The following SHANK2 variants were observed in gnomAD, a reference collection of about 807,000 sequenced individuals.
SHANK2 encodes SH3 and multiple ankyrin repeat domains 2.
In SHANK2, 43 loss-of-function variants were observed where a neutral mutation model predicts 133.7. The observed-to-expected ratio is 0.32, with a 90% CI of 0.25 to 0.41. The LOEUF is 0.41. Ranked by LOEUF, SHANK2 falls within the 10% of genes least tolerant of loss-of-function variation. The pLI is 1.00. For synonymous variants in SHANK2, 1,017 were observed against 952.8 expected, an observed-to-expected ratio of 1.07 and a Z score of -1.24; for missense variants, 1,994 against 2,235.8, an observed-to-expected ratio of 0.89 and a Z score of 2.18.
At chr11:71,171,832 G>C (rs1392398104) in intron 2 of SHANK2, among the ~76,000 whole-genome samples, 2 of 152,158 alleles carry the variant, frequency 1.3e-5, no homozygotes, top group Admixed American at 1.3e-4. Context: ...AATCCCTGTG[G>C]CCTCGTTTAA....
At chr11:70,654,326 C>T (rs1384302746) in intron 17 of SHANK2, 7 of 152,206 alleles carry the variant, frequency 4.6e-5, no homozygotes, top group African/African-American at 1.7e-4. Flanking sequence ...GGGGGCTGAA[C>T]ATTTGTCTCC....
intron 17 of SHANK2, among the ~76,000 whole-genome samples, chr11:70,637,178 G>A (rs1317760384): frequency 2.0e-5 from 3 of 152,134 alleles, no homozygotes; most frequent in Non-Finnish European, 2.9e-5. Context: ...TCCATTCACA[G>A]CACAGCCACA....
At chr11:70,813,350 C>T (rs528063929) in intron 12 of SHANK2, among the ~76,000 whole-genome samples, 1 of 152,080 alleles carries the variant, frequency 6.6e-6, no homozygotes, top group African/African-American at 2.4e-5. Context: ...GGATGCCACA[C>T]GGCGCAGTGG....
chr11:70,862,691 A>G, intron 11 of SHANK2: 1 of 200,686 alleles, frequency 5.0e-6, no homozygotes, highest in Non-Finnish European at 9.8e-6. Context: ...AGGACTGTGG[A>G]TGATACTCAG....
rs1457130764 is a variant in SHANK2, at chr11:70,500,075, C to G, written c.2308+495G>C. On this transcript the variant is annotated intron_variant, in intron 21 of 25. Transcript: ENST00000601538. The surrounding 1 kb of genome is among the most constrained non-coding windows in gnomAD (Gnocchi z 4.5). ...CAGTGACTGCCAGTCTCCCACTCCA[C>G]ACCAGCCCTGGGTGGGGAGGTGTAG... Among the ~76,000 whole-genome samples the G allele has an allele frequency of 6.6e-6, 1 of 152,192 alleles. No individual in the cohort carries two copies. The highest frequency in any genetic ancestry group is 2.4e-5 in the African/African-American group (1 of 41,470).
intron 10 of SHANK2, chr11:70,944,031 C>T: frequency 2.2e-6 from 1 of 453,512 alleles, no homozygotes; most frequent in Non-Finnish European, 4.4e-6. Context: ...AATCATGGTT[C>T]CTGTGTTTAT....
chr11:70,685,581 C>T (rs529086977), intron 15 of SHANK2, among the ~76,000 whole-genome samples: 1 of 152,306 alleles, frequency 6.6e-6, no homozygotes, highest in East Asian at 1.9e-4. Flanking sequence ...GAAGCAGATT[C>T]CAAGCTGGAC....
intron 15 of SHANK2, among the ~76,000 whole-genome samples, chr11:70,671,737 C>A (rs560976112): frequency 2.6e-5 from 4 of 152,262 alleles, no homozygotes; most frequent in African/African-American, 9.6e-5. Context: ...CGGGTCTCTG[C>A]ACACAGGGCT....
intron 21 of SHANK2, among the ~76,000 whole-genome samples, chr11:70,495,696 G>T (rs1555156928): frequency 6.6e-6 from 1 of 152,204 alleles, no homozygotes; most frequent in African/African-American, 2.4e-5. Flanking sequence ...TGGAGCGTGA[G>T]GCCTGAGCGG....
At chr11:70,761,197 T>C (rs560302523) in intron 14 of SHANK2, among the ~76,000 whole-genome samples, 3 of 152,230 alleles carry the variant, frequency 2.0e-5, no homozygotes, top group African/African-American at 7.2e-5. Context: ...TGATGGGGCC[T>C]TTGGGAGGTG....
chr11:71,058,864 G>C (rs1950953055), intron 9 of SHANK2, among the ~76,000 whole-genome samples: 1 of 152,270 alleles, frequency 6.6e-6, no homozygotes, highest in African/African-American at 2.4e-5. Context: ...ACAGCAAAAT[G>C]CCAAGCTGAG....
At chr11:70,619,089 C>T (rs1183200345) in intron 17 of SHANK2, among the ~76,000 whole-genome samples, 1 of 152,184 alleles carries the variant, frequency 6.6e-6, no homozygotes, top group African/African-American at 2.4e-5. Context: ...CCAGGGGAGG[C>T]GGACCCCAGC....
chr11:71,117,708 T>G (rs1362008666), intron 4 of SHANK2, among the ~76,000 whole-genome samples: 1 of 152,172 alleles, frequency 6.6e-6, no homozygotes, highest in African/African-American at 2.4e-5. Flanking sequence ...GGGAGGGTGG[T>G]GCACGCCCAA....
intron 15 of SHANK2, among the ~76,000 whole-genome samples, chr11:70,685,230 C>T (rs2134407976): frequency 6.6e-6 from 1 of 152,296 alleles, no homozygotes; most frequent in African/African-American, 2.4e-5. Flanking sequence ...GTCTGGGCCC[C>T]TCTCTTCCAA....
intron 17 of SHANK2, among the ~76,000 whole-genome samples, chr11:70,503,420 A>C (rs2059089768): frequency 6.6e-6 from 1 of 152,128 alleles, no homozygotes; most frequent in South Asian, 2.1e-4. Context: ...TGCACATCAC[A>C]CTGAAGCAGC....
rs1555108595 is a variant in SHANK2, at chr11:71,154,030, C to CT, written c.-12-6693dup. Among the ~76,000 whole-genome samples the CT allele has an allele frequency of 5.6e-5, 6 of 106,290 alleles. No homozygotes were observed. In the East Asian group the frequency reaches 7.5e-4, roughly 13 times the overall value. The allele number at this position is 106,290 out of a possible 152,430, so 69.7% of individuals were successfully genotyped here. A position where few individuals can be genotyped will look rare whatever the true frequency, so the allele number is the denominator to read the frequency against. On this transcript the variant is annotated intron_variant, in intron 2 of 25. Transcript: ENST00000601538. ...GTTTCCTCATCTGAACTCTGATTTA[C>CT]TTTTTCACCAAAAGAAAAGAAGGTT...
chr11:70,614,384 C>T (rs1288918982), intron 17 of SHANK2, among the ~76,000 whole-genome samples: 1 of 151,378 alleles, frequency 6.6e-6, no homozygotes, highest in Non-Finnish European at 1.5e-5. Flanking sequence ...GATCTCAGCT[C>T]ACTGTAACCT....
intron 11 of SHANK2, among the ~76,000 whole-genome samples, chr11:70,880,907 G>A (rs1257223313): frequency 1.3e-5 from 2 of 152,244 alleles, no homozygotes; most frequent in Non-Finnish European, 2.9e-5. Context: ...GGGTCTGTGA[G>A]TCATGAGACT....
intron 10 of SHANK2, among the ~76,000 whole-genome samples, chr11:70,940,488 C>T (rs995836992): frequency 5.9e-5 from 9 of 151,860 alleles, no homozygotes; most frequent in South Asian, 2.1e-4. Context: ...CTCTTAACCT[C>T]GTGATCCACC....
Sources: gnomAD v4.1 joint callset for allele counts (sites outside exome capture counted in the v4.1 genomes callset) on GRCh38, gnomAD v4.1.1 for gene constraint, Gnocchi (gnomAD v3.1) non-coding constraint, MANE v1.5 for transcripts, NCBI Gene and HGNC (gene_info 2026-07-23, HGNC 2026-07-21) for gene names.